Variants in NRXN3 observed in about 807,000 individuals in gnomAD.
NRXN3 encodes neurexin III.
In NRXN3, 32 loss-of-function variants were observed where a neutral mutation model predicts 137.6. The observed-to-expected ratio is 0.23, with a 90% CI of 0.18 to 0.31. The LOEUF is 0.31. Among genes scored for constraint, NRXN3 ranks in the 10% least tolerant of loss-of-function variants. NRXN3 has a pLI of 1.00. For missense variants in NRXN3, 1,574 were observed against 2,062.5 expected (o/e 0.76, Z 4.59); for synonymous variants, 798 against 784.5 (o/e 1.02, Z -0.29).
At chr14:78,222,854 T>C (rs545326530) in intron 1 of NRXN3, among the ~76,000 whole-genome samples, 1 of 152,354 alleles carries the variant, frequency 6.6e-6, no homozygotes, top group Admixed American at 6.5e-5. Flanking sequence ...GCTGGACTTG[T>C]CTTATTCATA....
In NRXN3 at chr14:78,987,978, C is replaced by T. The variant is rs761058321; in HGVS notation, c.3143-44C>T. 80 of 1,584,384 alleles carry T rather than the reference C, an allele frequency of 5.0e-5. 1 individual carries two copies. The South Asian group carries it at 6.2e-4, about 12-fold the overall frequency. On this transcript the variant is annotated intron_variant, in intron 14 of 20. Transcript: ENST00000335750. ...GAATCTAATTTTTAACATTTCTTCT[C>T]TCTCTCCTTTTTCTTTTTTTCCCCT... is the stretch of plus-strand genomic sequence containing the variant.
intron 15 of NRXN3, among the ~76,000 whole-genome samples, chr14:79,384,479 C>G (rs1398576396): frequency 6.6e-6 from 1 of 152,094 alleles, no homozygotes; most frequent in Non-Finnish European, 1.5e-5. Flanking sequence ...TTAGGAAATA[C>G]AGAAAAACAG....
intron 4 of NRXN3, among the ~76,000 whole-genome samples, chr14:78,615,750 C>T (rs765709078): frequency 8.5e-5 from 13 of 152,120 alleles, no homozygotes; most frequent in Non-Finnish European, 1.8e-4. Flanking sequence ...GCCTGGACAA[C>T]ATGGTGAGAC....
intron 4 of NRXN3, among the ~76,000 whole-genome samples, chr14:78,335,754 A>C (rs1371828470): frequency 6.6e-6 from 1 of 152,076 alleles, no homozygotes; most frequent in Admixed American, 6.5e-5. Flanking sequence ...TCATGACAAA[A>C]ATGACTTCAG....
chr14:78,613,538 G>A (rs1462244975), intron 4 of NRXN3, among the ~76,000 whole-genome samples: 2 of 149,084 alleles, frequency 1.3e-5, no homozygotes, highest in East Asian at 2.0e-4. Flanking sequence ...AGGGGGCACA[G>A]AGTCTTTAAG....
At chr14:79,449,072 A>C (rs539132496) in intron 15 of NRXN3, among the ~76,000 whole-genome samples, 54 of 152,164 alleles carry the variant, frequency 3.5e-4, no homozygotes, top group Non-Finnish European at 7.5e-4. Context: ...TGAGCCCAGG[A>C]GCCCTTTTGT....
At chr14:78,443,794 G>T (rs1215507672) in intron 4 of NRXN3, among the ~76,000 whole-genome samples, 1 of 152,174 alleles carries the variant, frequency 6.6e-6, no homozygotes, top group African/African-American at 2.4e-5. Flanking sequence ...TACATAGTAG[G>T]AGCTTAGTCA....
At chr14:78,597,487 G>A (rs1156314256) in intron 4 of NRXN3, among the ~76,000 whole-genome samples, 2 of 152,072 alleles carry the variant, frequency 1.3e-5, no homozygotes, top group East Asian at 1.9e-4. Context: ...TCTTACAAAG[G>A]ACCCAATAGA....
intron 4 of NRXN3, among the ~76,000 whole-genome samples, chr14:78,526,426 G>C (rs531206235): frequency 7.2e-4 from 110 of 152,250 alleles, no homozygotes; most frequent in Non-Finnish European, 1.4e-3. Flanking sequence ...TGTGGATACG[G>C]GATTTGGAGT....
chr14:79,364,498 G>T (rs942876567), intron 15 of NRXN3, among the ~76,000 whole-genome samples: 2 of 152,194 alleles, frequency 1.3e-5, no homozygotes, highest in African/African-American at 4.8e-5. Context: ...TATAAGAGAG[G>T]AGTCTATCAT....
At chr14:79,627,763 T>C (rs1018431217) in intron 16 of NRXN3, among the ~76,000 whole-genome samples, 7 of 152,172 alleles carry the variant, frequency 4.6e-5, no homozygotes, top group African/African-American at 1.2e-4. Context: ...ATGAGGTTGC[T>C]AGGGATTAAA....
intron 9 of NRXN3, among the ~76,000 whole-genome samples, chr14:78,809,864 C>T (rs894579120): frequency 3.3e-5 from 5 of 151,890 alleles, no homozygotes; most frequent in African/African-American, 9.7e-5. Flanking sequence ...TGTGTTAATG[C>T]TACTTTAAAA....
intron 10 of NRXN3, among the ~76,000 whole-genome samples, chr14:78,827,051 A>G (rs1274806845): frequency 6.6e-6 from 1 of 152,164 alleles, no homozygotes. Context: ...TGCCTATGTC[A>G]TGATATCTTC....
At position 78,592,966 on chromosome 14, in the gene NRXN3, G is replaced by A. The variant is rs116006519; in HGVS notation, c.758-52154G>A. 7.1e-3 allele frequency among the ~76,000 whole-genome samples: 1,076 copies of A among 152,276 alleles called. 18 individuals are homozygous for A. Among genetic ancestry groups the A allele is most frequent in the African/African-American group, 0.024 (1,001 of 41,534 alleles). Reference sequence around the variant, plus strand: ...ATCTGGGAGGCTGAGGTCTGATGTCGTCGTCATCGGCAGAGCGACCTTGCT... The same window carrying A: ...ATCTGGGAGGCTGAGGTCTGATGTCATCGTCATCGGCAGAGCGACCTTGCT... On this transcript the variant is annotated intron_variant, in intron 4 of 20. Coordinates refer to ENST00000335750, the MANE Select transcript of NRXN3 (RefSeq NM_001330195.2).
intron 20 of NRXN3, among the ~76,000 whole-genome samples, chr14:79,814,805 C>A (rs2099246701): frequency 6.6e-6 from 1 of 151,946 alleles, no homozygotes; most frequent in African/African-American, 2.4e-5. Context: ...TGGGGAGGAA[C>A]TTTATGGAAA....
At position 79,867,019 on chromosome 14, in the gene NRXN3, T is replaced by C. The variant is rs969563978; in HGVS notation, c.*5055T>C. ...GCCATTAATAATACAACTTTATAGC[T>C]TTACTATTTTTTCTTTTATTGTTGA... On this transcript the variant is annotated 3_prime_UTR_variant, in exon 21 of 21. Coordinates refer to ENST00000335750, the MANE Select transcript of NRXN3 (RefSeq NM_001330195.2). The C allele has an allele frequency of 2.6e-5, 4 of 152,230 alleles. No homozygotes were observed. The highest frequency in any genetic ancestry group is 5.9e-5 in the Non-Finnish European group (4 of 68,048). 9.4% of individuals were successfully genotyped at this position (152,230 alleles called of 1,614,324 possible).
At chr14:79,655,420 A>AAT (rs1034380260) in intron 16 of NRXN3, among the ~76,000 whole-genome samples, 25 of 152,212 alleles carry the variant, frequency 1.6e-4, no homozygotes, top group African/African-American at 5.8e-4. Flanking sequence ...GCTGGAACAC[A>AAT]ATTTTAGATC....
intron 6 of NRXN3, among the ~76,000 whole-genome samples, chr14:78,681,418 G>A (rs1567046218): frequency 2.0e-5 from 3 of 152,244 alleles, no homozygotes; most frequent in Admixed American, 6.5e-5. Context: ...AGTAGGAATC[G>A]GGATTGGGAT....
intron 4 of NRXN3, among the ~76,000 whole-genome samples, chr14:78,336,412 T>C (rs1425529090): frequency 3.3e-5 from 5 of 152,144 alleles, no homozygotes; most frequent in African/African-American, 1.2e-4. Flanking sequence ...GACAAACTCA[T>C]TATTTAGCAA....
Sources: allele counts gnomAD v4.1 joint callset (sites outside exome capture counted in the v4.1 genomes callset), GRCh38; gene constraint gnomAD v4.1.1; transcripts MANE v1.5; gene names NCBI Gene and HGNC (gene_info 2026-07-23, HGNC 2026-07-21).